GRID1: variants seen among roughly 807,000 people sequenced by gnomAD.
The protein encoded by GRID1 is glutamate ionotropic receptor delta type subunit 1, also known as glutamate receptor ionotropic, delta-1.
GRID1 carries 28 observed loss-of-function variants against 98.0 expected under a neutral mutation model. That is an observed-to-expected ratio of 0.29 (90% CI 0.21 to 0.39). The LOEUF (loss-of-function observed/expected upper bound fraction) is 0.39, where lower values mean the gene tolerates loss of function less well. GRID1 is among the 10% of genes least tolerant of loss of function. The pLI, the probability that GRID1 is intolerant of heterozygous loss-of-function variation, is 1.00. For synonymous variants in GRID1, 553 were observed against 538.5 expected (o/e 1.03, Z -0.37); for missense variants, 1,111 against 1,340.5 (o/e 0.83, Z 2.67).
chr10:86,012,993 TG>T, intron 4 of GRID1, among the ~76,000 whole-genome samples: 1 of 152,364 alleles, frequency 6.6e-6, no homozygotes, highest in East Asian at 1.9e-4. Context: ...TATCATTGAA[TG>T]CTGGATCTTG....
chr10:85,629,733 C>T (rs1327182816), intron 13 of GRID1, among the ~76,000 whole-genome samples: 1 of 152,102 alleles, frequency 6.6e-6, no homozygotes, highest in Non-Finnish European at 1.5e-5. Context: ...AATAGATACC[C>T]AGTAGTGAGA....
At chr10:85,828,571 A>C (rs1842840291) in intron 8 of GRID1, among the ~76,000 whole-genome samples, 1 of 152,132 alleles carries the variant, frequency 6.6e-6, no homozygotes. Context: ...GAAAAAAGAG[A>C]GAAGAGCCAA....
At chr10:86,067,226 G>A (rs1589359196) in intron 4 of GRID1, among the ~76,000 whole-genome samples, 3 of 152,188 alleles carry the variant, frequency 2.0e-5, no homozygotes, top group Admixed American at 6.5e-5. Flanking sequence ...GATTAGAGGC[G>A]GCTCCAGCAG....
chr10:85,716,123 T>G (rs1841636240), intron 12 of GRID1, among the ~76,000 whole-genome samples: 1 of 152,138 alleles, frequency 6.6e-6, no homozygotes, highest in South Asian at 2.1e-4. Context: ...GCCAGGCTGG[T>G]CTTGAACTCC....
At chr10:86,184,194 A>G (rs1261894493) in intron 3 of GRID1, among the ~76,000 whole-genome samples, 3 of 152,034 alleles carry the variant, frequency 2.0e-5, no homozygotes, top group Admixed American at 1.3e-4. Flanking sequence ...ATTTCTCCTC[A>G]GTTTTGGCTT....
intron 4 of GRID1, among the ~76,000 whole-genome samples, chr10:86,017,790 G>A (rs1842998618): frequency 6.6e-6 from 1 of 152,238 alleles, no homozygotes; most frequent in African/African-American, 2.4e-5. Flanking sequence ...AGAAAAGCAG[G>A]TGTGGGGATT....
At chr10:86,102,018 C>T (rs971066120) in intron 4 of GRID1, among the ~76,000 whole-genome samples, 1 of 152,172 alleles carries the variant, frequency 6.6e-6, no homozygotes, top group South Asian at 2.1e-4. Context: ...AAAGAGCAAA[C>T]CAGGATGATT....
intron 4 of GRID1, among the ~76,000 whole-genome samples, chr10:86,121,508 T>TTAC (rs1468967063): frequency 3.4e-4 from 2 of 5,908 alleles, no homozygotes; most frequent in African/African-American, 7.1e-4. Flanking sequence ...ACCATCACCA[T>TTAC]CATCATCACT....
chr10:86,254,668 C>T (rs1039413082), intron 2 of GRID1, among the ~76,000 whole-genome samples: 1 of 152,240 alleles, frequency 6.6e-6, no homozygotes, highest in Admixed American at 6.5e-5. Context: ...CTGTGTGCTT[C>T]TCCACAATGG....
intron 12 of GRID1, among the ~76,000 whole-genome samples, chr10:85,669,660 C>T (rs923992796): frequency 3.9e-5 from 6 of 152,140 alleles, no homozygotes; most frequent in Admixed American, 3.9e-4. Flanking sequence ...TGATTTGGCC[C>T]ATCCTTAGAT....
chr10:85,693,603 C>G (rs2132613230), intron 12 of GRID1, among the ~76,000 whole-genome samples: 1 of 151,732 alleles, frequency 6.6e-6, no homozygotes. Context: ...GTCAATGAAA[C>G]AGAATAGAGA....
intron 13 of GRID1, among the ~76,000 whole-genome samples, chr10:85,643,124 T>G (rs535118495): frequency 6.6e-6 from 1 of 152,312 alleles, no homozygotes; most frequent in Admixed American, 6.5e-5. Flanking sequence ...CCTTGACTTT[T>G]GCAGCAATTA....
intron 5 of GRID1, among the ~76,000 whole-genome samples, chr10:85,875,225 C>A (rs1843317576): frequency 6.6e-6 from 1 of 152,070 alleles, no homozygotes; most frequent in Non-Finnish European, 1.5e-5. Context: ...ACAGCCCTTG[C>A]TGAATTAAAT....
At chr10:85,945,081 C>T (rs1416579450) in intron 4 of GRID1, among the ~76,000 whole-genome samples, 3 of 152,202 alleles carry the variant, frequency 2.0e-5, no homozygotes, top group African/African-American at 7.2e-5. Context: ...GACTGCCAAG[C>T]ATCCTAACCA....
intron 8 of GRID1, among the ~76,000 whole-genome samples, chr10:85,737,033 C>T (rs1364072743): frequency 1.3e-5 from 2 of 152,050 alleles, no homozygotes; most frequent in African/African-American, 4.8e-5. Context: ...GCAGTCAGAA[C>T]CTAGTTAATA....
chr10:85,826,377 T>C (rs970461037), intron 8 of GRID1, among the ~76,000 whole-genome samples: 1 of 152,048 alleles, frequency 6.6e-6, no homozygotes, highest in East Asian at 1.9e-4. Context: ...AAGTCTAGAA[T>C]TGTCAGATTA....
intron 12 of GRID1, among the ~76,000 whole-genome samples, chr10:85,700,289 T>G (rs1841436663): frequency 1.3e-5 from 2 of 152,156 alleles, no homozygotes; most frequent in South Asian, 4.1e-4. Context: ...ACAGGTTAAG[T>G]GATTTTCCAA....
At chr10:86,202,447 C>T (rs1455554340) in intron 3 of GRID1, among the ~76,000 whole-genome samples, 1 of 152,256 alleles carries the variant, frequency 6.6e-6, no homozygotes, top group African/African-American at 2.4e-5. Context: ...CCTGCCAATG[C>T]ATACACACAT....
chr10:86,119,800 G>C (rs1052418745), intron 4 of GRID1, among the ~76,000 whole-genome samples: 1 of 151,716 alleles, frequency 6.6e-6, no homozygotes, highest in Admixed American at 6.6e-5. Context: ...TGTTTTTTTG[G>C]GTTTTTTTGA....
Sources: gnomAD v4.1 joint callset for allele counts (sites outside exome capture counted in the v4.1 genomes callset) on GRCh38, gnomAD v4.1.1 for gene constraint, MANE v1.5 for transcripts, NCBI Gene and HGNC (gene_info 2026-07-23, HGNC 2026-07-21) for gene names.